KRT20: variants seen among roughly 807,000 people sequenced by gnomAD.
KRT20 encodes keratin, type I cytoskeletal 20.
KRT20 carries 41 observed loss-of-function variants against 43.0 expected under a neutral mutation model. That is an observed-to-expected ratio of 0.95 (90% CI 0.74 to 1.24). KRT20 has a LOEUF of 1.24. Among genes scored for constraint, KRT20 ranks in the 50% most tolerant of loss-of-function variants. The pLI is 0.00. For missense variants in KRT20, 533 were observed against 521.2 expected (o/e 1.02, Z -0.22); for synonymous variants, 207 against 200.6 (o/e 1.03, Z -0.27).
chr17:40,878,083 G>A, intron 6 of KRT20, 62 bp downstream of exon 6: 2 of 1,331,978 alleles, frequency 1.5e-6, no homozygotes, highest in East Asian at 2.3e-5. Flanking sequence ...TGAGTGACAG[G>A]GACATTAAAA....
chr17:40,880,646 C>T lies in KRT20; in HGVS notation c.598G>A (p.Asp200Asn). 1 of 1,613,258 alleles carries T rather than the reference C, an allele frequency of 6.2e-7. No homozygotes were observed. The highest frequency in any genetic ancestry group is 8.5e-7 in the Non-Finnish European group (1 of 1,179,738). The change falls in exon 3 of 8, where the codon GAC (aspartate) becomes AAC (asparagine). Residue 200 changes from aspartate (D) to asparagine (N), a missense_variant. Asp to Asn is a conservative substitution (Grantham distance 23, BLOSUM62 1). Transcript: ENST00000167588. ...LEIQIEELNK[D>N]LALLKKEHQE... ...TGCTCCTTTTTGAGGAGAGCTAGGT[C>T]TTTATTCAGTTCTTCAATTTGAATC... is the stretch of plus-strand genomic sequence containing the variant.
chr17:40,882,932 A>G (rs1907664571), intron 1 of KRT20, among the ~76,000 whole-genome samples: 1 of 151,932 alleles, frequency 6.6e-6, no homozygotes, highest in African/African-American at 2.4e-5. Flanking sequence ...CTGGTCTTGA[A>G]GTTCTGACCT....
intron 1 of KRT20, among the ~76,000 whole-genome samples, chr17:40,884,574 T>C (rs1907724146): frequency 6.6e-6 from 1 of 152,210 alleles, no homozygotes; most frequent in Non-Finnish European, 1.5e-5. Context: ...TGTTCATATT[T>C]TGTATGTAAT....
chr17:40,883,706 G>A (rs1291384050), intron 1 of KRT20, among the ~76,000 whole-genome samples: 1 of 152,248 alleles, frequency 6.6e-6, no homozygotes, highest in Admixed American at 6.5e-5. Context: ...AGCTCAATGG[G>A]ACGGATGGCC....
At chr17:40,880,842 G>T in intron 2 of KRT20, 72 bp from the exon 3 acceptor site, 1 of 1,217,856 alleles carries the variant, frequency 8.2e-7, no homozygotes, top group Non-Finnish European at 1.1e-6. Flanking sequence ...CTAATATAAT[G>T]GGATAGGTTT....
chr17:40,878,418 G>T, intron 5 of KRT20, 53 bp from the exon 6 acceptor site: 1 of 1,318,584 alleles, frequency 7.6e-7, no homozygotes, highest in Middle Eastern at 2.4e-4. Context: ...TGATTCAAGA[G>T]ATGGGTTAAT....
chr17:40,876,368 T>C lies in KRT20; in HGVS notation c.1268A>G (p.Asn423Ser). The C allele has an allele frequency of 6.2e-7, 1 of 1,605,886 alleles. No homozygotes were observed. Among genetic ancestry groups the C allele is most frequent in the Non-Finnish European group, 8.5e-7 (1 of 1,172,622 alleles). The change falls in exon 8 of 8, where the codon AAT becomes AGT. Residue 423 changes from asparagine (N) to serine (S), a missense_variant. Coordinates refer to ENST00000167588, the MANE Select transcript of KRT20 (RefSeq NM_019010.3). ...TCTCCTTCTGGTAGCTATTTAGATA[T>C]TTTCTTCCACCTCTTTGACTTCAGA... The part of the protein sequence containing the change: ...VSSEVKEVEE[N>S]I
intron 7 of KRT20, 27 bp from the exon 8 acceptor site, chr17:40,876,485 T>A: frequency 7.6e-7 from 1 of 1,312,976 alleles, no homozygotes; most frequent in Non-Finnish European, 1.1e-6. Context: ...CATTAAATGT[T>A]AATTCAGGCA....
chr17:40,882,855 A>G (rs1252743015), intron 1 of KRT20, among the ~76,000 whole-genome samples: 1 of 152,036 alleles, frequency 6.6e-6, no homozygotes, highest in Non-Finnish European at 1.5e-5. Flanking sequence ...GGTTACAGGC[A>G]TCCGCCACCA....
rs1048407813 is a variant in KRT20, at chr17:40,880,211, A to C, written c.681T>G (p.Val227=). Residue 227 remains valine (V), a synonymous_variant, in exon 4 of 8, where the codon GTT becomes GTG. Transcript: ENST00000167588. ...CAAGGTTCAGGCCTGGAGCAGCATC[A>C]ACCTCCACATTGACAGTGTTGCCCA... ...KHLGNTVNVE[V]DAAPGLNLGV... 3 of 1,614,028 alleles carry C rather than the reference A, an allele frequency of 1.9e-6. No individual in the cohort carries two copies. The African/African-American group carries it at 4.0e-5, about 22-fold the overall frequency.
intron 2 of KRT20, among the ~76,000 whole-genome samples, chr17:40,881,472 C>G (rs1484569470): frequency 1.3e-5 from 2 of 152,140 alleles, no homozygotes; most frequent in Non-Finnish European, 2.9e-5. Context: ...AAGCTGTTCT[C>G]AAACTCCAGG....
Position 40,885,107 on chromosome 17 carries a change from G to A in KRT20, c.79C>T (p.Gln27Ter). 1 of 1,613,938 alleles carries A rather than the reference G, an allele frequency of 6.2e-7. No homozygotes were observed. The highest frequency in any genetic ancestry group is 8.5e-7 in the Non-Finnish European group (1 of 1,180,024). Residue 27 changes from glutamine (Q) to a stop codon, truncating the protein, a stop_gained, in exon 1 of 8, where the codon CAG becomes TAG. Transcript: ENST00000167588. LOFTEE classifies it high-confidence loss of function. ...ACGCTGGGTGTCGTCCCGAGGCGCT[G>A]CATGCCCACTGTACTGACTACAGGG... Reference protein sequence around the residue: ...QAPVVSTVGMQRLGTTPSVYG... With the variant: ...QAPVVSTVGM
At chr17:40,877,177 C>T (rs761649800) in intron 7 of KRT20, among the ~76,000 whole-genome samples, 3 of 152,212 alleles carry the variant, frequency 2.0e-5, no homozygotes, top group East Asian at 1.9e-4. Context: ...TACAAGATGC[C>T]GGCACCTTGA....
rs372158807 is a variant in KRT20, at chr17:40,884,902, T to G, written c.284A>C (p.Asn95Thr). ...CTTGATTTGCACTTCAAGTTTGGAG[T>G]TGGACTGCTCCAGGGTCCGCACCTT... Reference protein sequence around the residue: ...LEKVRTLEQSNSKLEVQIKQW... With the variant: ...LEKVRTLEQSTSKLEVQIKQW... Residue 95 changes from asparagine (N) to threonine (T), a missense_variant, in exon 1 of 8, where the codon AAC becomes ACC. Physicochemically the swap from Asn to Thr is moderately conservative, Grantham distance 65. Coordinates refer to ENST00000167588, the MANE Select transcript of KRT20 (RefSeq NM_019010.3). 2.5e-6 allele frequency: 4 copies of G among 1,614,170 alleles called. No individual in the cohort carries two copies. The Middle Eastern group carries it at 6.6e-4, about 266-fold the overall frequency.
intron 7 of KRT20, among the ~76,000 whole-genome samples, chr17:40,876,999 G>C (rs1907376254): frequency 6.6e-6 from 1 of 152,126 alleles, no homozygotes; most frequent in East Asian, 1.9e-4. Flanking sequence ...GATGATGAGG[G>C]CTCTTCTCTC....
At chr17:40,880,836 T>TATA (rs1346315259) in intron 2 of KRT20, 66 bp from the exon 3 acceptor site, 2 of 1,252,976 alleles carry the variant, frequency 1.6e-6, no homozygotes, top group African/African-American at 3.1e-5. Context: ...GAGAATCTAA[T>TATA]ATAATGGGAT....
intron 5 of KRT20, 36 bp from the exon 6 acceptor site, chr17:40,878,401 G>A (rs367557086): frequency 6.1e-6 from 9 of 1,477,926 alleles, no homozygotes; most frequent in Non-Finnish European, 8.5e-6. Context: ...CTTCTTATGT[G>A]AGGACTTGAT....
chr17:40,882,578 C>A lies in KRT20; in HGVS notation c.467G>T (p.Arg156Ile). 1 of 1,560,960 alleles carries A rather than the reference C, an allele frequency of 6.4e-7. No homozygotes were observed. Among genetic ancestry groups the A allele is most frequent in the South Asian group, 1.2e-5 (1 of 82,328 alleles). The change falls in exon 2 of 8, where the codon AGA becomes ATA. Residue 156 changes from arginine (R) to isoleucine (I), a missense_variant. Transcript: ENST00000167588. Reference protein sequence around the residue: ...DNAKLAAEDFRLKYETERGIR... With the variant: ...DNAKLAAEDFILKYETERGIR... ...CACGTATTAGGGAACCTACTTCAGT[C>A]TGAAGTCCTCAGCAGCCAGTTTAGC...
chr17:40,876,897 A>G (rs1278514835), intron 7 of KRT20, among the ~76,000 whole-genome samples: 2 of 152,056 alleles, frequency 1.3e-5, no homozygotes, highest in African/African-American at 4.8e-5. Flanking sequence ...GGCCTTTGCT[A>G]TGGTTTGAAT....
Sources: allele counts gnomAD v4.1 joint callset (sites outside exome capture counted in the v4.1 genomes callset), GRCh38; gene constraint gnomAD v4.1.1; transcripts MANE v1.5; gene names NCBI Gene and HGNC (gene_info 2026-07-23, HGNC 2026-07-21).